RPTOR: variants seen among roughly 807,000 people sequenced by gnomAD.
RPTOR encodes regulatory associated protein of MTOR complex 1, also known as regulatory-associated protein of mTOR.
RPTOR carries 21 observed loss-of-function variants against 169.9 expected under a neutral mutation model. The observed-to-expected ratio is 0.12, with a 90% confidence interval of 0.09 to 0.18. The LOEUF is 0.18. Among genes scored for constraint, RPTOR ranks in the 10% least tolerant of loss-of-function variants. The probability of loss-of-function intolerance (pLI) is 1.00; values close to 1 mark genes in which losing one functional copy is unlikely to be tolerated. For synonymous variants in RPTOR, 732 were observed against 753.2 expected, an observed-to-expected ratio of 0.97 and a Z score of 0.46; for missense variants, 1,133 against 1,855.9, an observed-to-expected ratio of 0.61 and a Z score of 7.16.
intron 7 of RPTOR, chr17:80,801,514 C>T (rs1408283249): frequency 6.6e-6 from 1 of 152,044 alleles, no homozygotes; most frequent in Non-Finnish European, 1.5e-5. Context: ...AGAAGGTCTG[C>T]ACAGGGTTTG....
At position 80,842,824 on chromosome 17, in the gene RPTOR, G is replaced by A. The variant is rs114888934; in HGVS notation, c.1213-3649G>A. Among the ~76,000 whole-genome samples, 427 of 152,186 alleles carry A rather than the reference G, an allele frequency of 2.8e-3. 2 individuals carry two copies. The highest frequency in any genetic ancestry group is 9.4e-3 in the African/African-American group (391 of 41,488). On this transcript the variant is annotated intron_variant, in intron 10 of 33. Coordinates refer to ENST00000306801, the MANE Select transcript of RPTOR (RefSeq NM_020761.3). ...GGACCTGCATCTGCTCACATTTCAC[G>A]TCCCCCGTGAATGCTCGGCTTACTG...
chr17:80,588,241 C>T (rs1317375582), intron 1 of RPTOR, among the ~76,000 whole-genome samples: 8 of 151,402 alleles, frequency 5.3e-5, no homozygotes, highest in African/African-American at 1.9e-4. Context: ...CGGCTCACTG[C>T]AACCTCCGCC....
chr17:80,650,812 C>T (rs770220020), intron 3 of RPTOR, among the ~76,000 whole-genome samples: 1 of 152,130 alleles, frequency 6.6e-6, no homozygotes, highest in Admixed American at 6.5e-5. Flanking sequence ...TGCCTTAAGC[C>T]CCTCCCCATC....
At chr17:80,881,811 G>C (rs1342339980) in intron 14 of RPTOR, among the ~76,000 whole-genome samples, 1 of 152,226 alleles carries the variant, frequency 6.6e-6, no homozygotes, top group Non-Finnish European at 1.5e-5. Flanking sequence ...AACAGAGTGA[G>C]ACCCCGTCTC....
chr17:80,611,338 C>T (rs765778880), intron 1 of RPTOR, among the ~76,000 whole-genome samples: 17 of 152,020 alleles, frequency 1.1e-4, no homozygotes, highest in Non-Finnish European at 2.5e-4. Flanking sequence ...CTTTGCTCAC[C>T]GAAACCTCTG....
chr17:80,948,861 T>C (rs1397596590), intron 27 of RPTOR, among the ~76,000 whole-genome samples: 4 of 152,096 alleles, frequency 2.6e-5, no homozygotes, highest in Non-Finnish European at 5.9e-5. Flanking sequence ...TTTCCTCCAT[T>C]CTAAGCCCTG....
chr17:80,582,881 C>T (rs1420431455), intron 1 of RPTOR, among the ~76,000 whole-genome samples: 3 of 151,304 alleles, frequency 2.0e-5, no homozygotes, highest in Non-Finnish European at 4.4e-5. Flanking sequence ...AAATTTTTCA[C>T]AATTTTTAGT....
intron 6 of RPTOR, among the ~76,000 whole-genome samples, chr17:80,768,154 G>GC (rs1300999301): frequency 1.3e-5 from 2 of 152,130 alleles, no homozygotes; most frequent in African/African-American, 4.8e-5. Context: ...GAGCCACCGC[G>GC]CCTGACCACG....
At chr17:80,735,900 G>A (rs1056627848) in intron 5 of RPTOR, among the ~76,000 whole-genome samples, 6 of 152,148 alleles carry the variant, frequency 3.9e-5, no homozygotes, top group Non-Finnish European at 5.9e-5. Context: ...TGGCCGGTGC[G>A]GTGGCTCACG....
intron 20 of RPTOR, among the ~76,000 whole-genome samples, chr17:80,895,452 A>G (rs1259000261): frequency 6.6e-6 from 1 of 152,074 alleles, no homozygotes; most frequent in African/African-American, 2.4e-5. Context: ...GGCCCGGCCC[A>G]TCTCTCTCCC....
Position 80,957,544 on chromosome 17 carries a change from T to C in RPTOR, c.3371-80T>C. 2 of 1,349,910 alleles carry C rather than the reference T, an allele frequency of 1.5e-6. No homozygotes were observed. Among genetic ancestry groups the C allele is most frequent in the Non-Finnish European group, 2.1e-6 (2 of 942,178 alleles). 83.6% of individuals were successfully genotyped at this position (1,349,910 alleles called of 1,614,324 possible). Reference sequence around the variant, plus strand: ...GGGTACCTTGTAGCTGCTGGCCAAATTGCTGCCCAGAGCAGGCCCCAAAGC... The same window carrying C: ...GGGTACCTTGTAGCTGCTGGCCAAACTGCTGCCCAGAGCAGGCCCCAAAGC... On this transcript the variant is annotated intron_variant, in intron 28 of 33. Coordinates refer to ENST00000306801, the MANE Select transcript of RPTOR (RefSeq NM_020761.3). The surrounding 1 kb of genome is among the most constrained non-coding windows in gnomAD (Gnocchi z 4.6).
At chr17:80,578,591 C>T (rs2064986822) in intron 1 of RPTOR, among the ~76,000 whole-genome samples, 1 of 152,278 alleles carries the variant, frequency 6.6e-6, no homozygotes, top group South Asian at 2.1e-4. Flanking sequence ...GGTATCTCAA[C>T]CAAGCGGATT....
intron 6 of RPTOR, among the ~76,000 whole-genome samples, chr17:80,771,107 A>T (rs2066838656): frequency 6.6e-6 from 1 of 152,106 alleles, no homozygotes; most frequent in South Asian, 2.1e-4. Flanking sequence ...GAAGCAAGGG[A>T]CACCCCCTTC....
intron 3 of RPTOR, among the ~76,000 whole-genome samples, chr17:80,685,517 T>G (rs1045323915): frequency 2.3e-4 from 34 of 146,356 alleles, no homozygotes; most frequent in Non-Finnish European, 9.0e-5. Context: ...CAAGTGATCC[T>G]CCATCCTTGG....
At position 80,823,284 on chromosome 17, in the gene RPTOR, C is replaced by CATGG; in HGVS notation, c.1136+63_1136+66dup. ...CCCGCCCTCCGTGGCACTGTGATGT[C>CATGG]ATGGAATTGCACGGAGCTGGGCAGG... On this transcript the variant is annotated intron_variant, in intron 9 of 33. Transcript: ENST00000306801. The surrounding 1 kb of genome is among the most constrained non-coding windows in gnomAD (Gnocchi z 4.5). 1.3e-6 allele frequency: 2 copies of CATGG among 1,590,062 alleles called. No individual in the cohort carries two copies. Among genetic ancestry groups the CATGG allele is most frequent in the Non-Finnish European group, 1.7e-6 (2 of 1,165,840 alleles).
intron 3 of RPTOR, among the ~76,000 whole-genome samples, chr17:80,669,198 C>T (rs576092217): frequency 6.6e-6 from 1 of 152,334 alleles, no homozygotes; most frequent in African/African-American, 2.4e-5. Flanking sequence ...GGGGCATTTC[C>T]CAGCTGCTGC....
intron 6 of RPTOR, among the ~76,000 whole-genome samples, chr17:80,767,327 C>T (rs931238701): frequency 1.3e-5 from 2 of 152,094 alleles, no homozygotes; most frequent in Non-Finnish European, 2.9e-5. Context: ...GCAGTGATCA[C>T]GTCACTGTGG....
Position 80,634,809 on chromosome 17 carries a change from CTGTG to C in RPTOR, c.266-8912_266-8909del, listed in dbSNP as rs1245676584. Among the ~76,000 whole-genome samples the C allele has an allele frequency of 3.2e-3, 435 of 136,872 alleles. 23 individuals carry two copies. The highest frequency in any genetic ancestry group is 4.3e-3 in the Non-Finnish European group (279 of 64,290). 89.8% of individuals were successfully genotyped at this position (136,872 alleles called of 152,430 possible). ...TGCATGTGCATACTGTGTGTGCATA[CTGTG>C]TGTGTGCATACTGTGTGTGTGTGCA... On this transcript the variant is annotated intron_variant, in intron 2 of 33. Transcript: ENST00000306801.
chr17:80,822,795 CGTGT>C (rs2067395134), intron 8 of RPTOR, among the ~76,000 whole-genome samples: 2 of 151,634 alleles, frequency 1.3e-5, no homozygotes, highest in Admixed American at 1.3e-4. Flanking sequence ...TATGTGTGTG[CGTGT>C]ATTTGTGTAT....
Sources: allele counts gnomAD v4.1 joint callset (sites outside exome capture counted in the v4.1 genomes callset), GRCh38; gene constraint gnomAD v4.1.1; non-coding constraint Gnocchi (gnomAD v3.1); transcripts MANE v1.5; gene names NCBI Gene and HGNC (gene_info 2026-07-23, HGNC 2026-07-21).